METAP2: variants seen among roughly 807,000 people sequenced by gnomAD.
METAP2 encodes the protein methionine aminopeptidase 2.
Under a neutral mutation model 59.4 loss-of-function variants are expected in METAP2, and 25 were observed. That is an observed-to-expected ratio of 0.42 (90% CI 0.31 to 0.59). The LOEUF (loss-of-function observed/expected upper bound fraction) is 0.59, where lower values mean the gene tolerates loss of function less well. Among genes scored for constraint, METAP2 ranks in the 20% least tolerant of loss-of-function variants. METAP2 has a pLI of 0.16. For synonymous variants in METAP2, 214 were observed against 194.1 expected, an observed-to-expected ratio of 1.10 and a Z score of -0.85; for missense variants, 366 against 581.2, an observed-to-expected ratio of 0.63 and a Z score of 3.81.
intron 2 of METAP2, among the ~76,000 whole-genome samples, chr12:95,476,416 G>A (rs1050803136): frequency 1.3e-5 from 2 of 152,078 alleles, no homozygotes; most frequent in African/African-American, 2.4e-5. Context: ...GGAAGCTGAG[G>A]CAGGAGAATT....
At chr12:95,506,206 C>T (rs564681676) in intron 8 of METAP2, among the ~76,000 whole-genome samples, 4 of 151,982 alleles carry the variant, frequency 2.6e-5, no homozygotes, top group Admixed American at 6.5e-5. Context: ...CTCAGCTTCC[C>T]GAGTAGCTGG....
chr12:95,485,282 A>G (rs1243435781), intron 3 of METAP2, among the ~76,000 whole-genome samples: 1 of 152,082 alleles, frequency 6.6e-6, no homozygotes, highest in Non-Finnish European at 1.5e-5. Context: ...CAAATTGTGT[A>G]TTTTTTCTCT....
At chr12:95,482,350 T>C in intron 2 of METAP2, 3 of 301,502 alleles carry the variant, frequency 1.0e-5, no homozygotes, top group South Asian at 5.4e-5. Context: ...TGGGCTCAAG[T>C]GATCCACCTG....
chr12:95,513,556 C>T, intron 10 of METAP2, 96 bp from the exon 11 acceptor site: 1 of 1,401,464 alleles, frequency 7.1e-7, no homozygotes, highest in Non-Finnish European at 9.7e-7. Flanking sequence ...TGGACTTCAA[C>T]TACTAGGACA....
At chr12:95,487,593 T>TG (rs1487578214) in intron 4 of METAP2, among the ~76,000 whole-genome samples, 1 of 148,932 alleles carries the variant, frequency 6.7e-6, no homozygotes, top group African/African-American at 2.4e-5. Flanking sequence ...ATCTCTTAAT[T>TG]TTTTTTTTTT....
chr12:95,512,216 C>T (rs1012610260), intron 9 of METAP2, among the ~76,000 whole-genome samples: 1 of 152,132 alleles, frequency 6.6e-6, no homozygotes, highest in African/African-American at 2.4e-5. Flanking sequence ...GTTTATTCAA[C>T]ATTTAATGAA....
At chr12:95,513,132 C>CACACACA (rs1491107316) in intron 10 of METAP2, among the ~76,000 whole-genome samples, 1 of 147,900 alleles carries the variant, frequency 6.8e-6, no homozygotes, top group Non-Finnish European at 1.5e-5. Context: ...CACACACACA[C>CACACACA]AAGTGCTCTC....
At chr12:95,511,570 G>C (rs1006839049) in intron 8 of METAP2, among the ~76,000 whole-genome samples, 1 of 151,618 alleles carries the variant, frequency 6.6e-6, no homozygotes, top group African/African-American at 2.4e-5. Context: ...TTTTGTATTT[G>C]TAGTAGAGAC....
rs1240706929 is a variant in METAP2, at chr12:95,515,410, C to G, written c.*1506C>G. 1 of 152,258 alleles carries G rather than the reference C, an allele frequency of 6.6e-6. No individual in the cohort carries two copies. Among genetic ancestry groups the G allele is most frequent in the African/African-American group, 2.4e-5 (1 of 41,466 alleles). 9.4% of individuals were successfully genotyped at this position (152,258 alleles called of 1,614,324 possible). On this transcript the variant is annotated 3_prime_UTR_variant, in exon 11 of 11. Transcript: ENST00000323666. ...TAGCAGCAGAGCTCGCCAGTTCATG[C>G]CTGGACATACTGTCAGGGCTGGGCC...
chr12:95,504,710 C>T (rs2076345094), intron 8 of METAP2, among the ~76,000 whole-genome samples: 4 of 152,014 alleles, frequency 2.6e-5, no homozygotes, highest in Admixed American at 1.3e-4. Flanking sequence ...CACTGTGTTG[C>T]TCAGTCTGAT....
intron 2 of METAP2, 114 bp from the exon 3 acceptor site, chr12:95,483,099 AAT>A (rs2076170649): frequency 1.2e-6 from 1 of 820,910 alleles, no homozygotes; most frequent in Non-Finnish European, 2.1e-6. Flanking sequence ...AACAAGATAA[AAT>A]AAACTAACGT....
At chr12:95,499,251 T>C (rs1361416827) in intron 7 of METAP2, among the ~76,000 whole-genome samples, 1 of 152,126 alleles carries the variant, frequency 6.6e-6, no homozygotes, top group East Asian at 1.9e-4. Context: ...AAGCAGTTCT[T>C]CTACTTCATC....
intron 8 of METAP2, among the ~76,000 whole-genome samples, chr12:95,508,718 T>TG (rs138521621): frequency 0.094 from 14,342 of 152,270 alleles, 925 homozygotes; most frequent in Non-Finnish European, 0.14. Flanking sequence ...TTTCAAGGTA[T>TG]GGTAGGTGAC....
chr12:95,513,089 T>TCACA (rs2076415460), intron 10 of METAP2, among the ~76,000 whole-genome samples, 173 bp downstream of exon 10: 1 of 66,094 alleles, frequency 1.5e-5, no homozygotes, highest in Non-Finnish European at 3.0e-5. Flanking sequence ...GAGATAAAAA[T>TCACA]TACACACACA....
chr12:95,512,483 A>G (rs533935213), intron 9 of METAP2, among the ~76,000 whole-genome samples: 3 of 152,292 alleles, frequency 2.0e-5, no homozygotes, highest in Admixed American at 1.3e-4. Context: ...CAAGGCAGGC[A>G]GATCACCTGA....
chr12:95,501,894 GCATT>G (rs748006290), intron 7 of METAP2, among the ~76,000 whole-genome samples: 19 of 151,116 alleles, frequency 1.3e-4, no homozygotes, highest in Non-Finnish European at 2.5e-4. Context: ...CCTTTGCAGG[GCATT>G]TCTTGAGCAC....
chr12:95,507,533 T>G (rs2076370612), intron 8 of METAP2, among the ~76,000 whole-genome samples: 1 of 152,274 alleles, frequency 6.6e-6, no homozygotes, highest in Non-Finnish European at 1.5e-5. Context: ...ATCTCTGTTC[T>G]TCAAGGAAGA....
intron 3 of METAP2, among the ~76,000 whole-genome samples, chr12:95,485,220 G>A (rs2076187213): frequency 6.6e-6 from 1 of 152,158 alleles, no homozygotes; most frequent in African/African-American, 2.4e-5. Context: ...ATTTGTTCAA[G>A]TCATAGCTAA....
At chr12:95,482,004 G>A (rs751512805) in intron 2 of METAP2, 9 of 318,822 alleles carry the variant, frequency 2.8e-5, no homozygotes, top group Non-Finnish European at 5.1e-5. Flanking sequence ...TACTGTTAAC[G>A]TTACAGTGCA....
Sources: gnomAD v4.1 joint callset for allele counts (sites outside exome capture counted in the v4.1 genomes callset) on GRCh38, gnomAD v4.1.1 for gene constraint, MANE v1.5 for transcripts, NCBI Gene and HGNC (gene_info 2026-07-23, HGNC 2026-07-21) for gene names.